The following PTAFR variants were observed in gnomAD, a reference collection of about 807,000 sequenced individuals.
PTAFR encodes platelet activating factor receptor.
Under a neutral mutation model 14.7 loss-of-function variants are expected in PTAFR, and 8 were observed. The ratio of observed to expected loss-of-function variants is 0.54; its 90% CI spans 0.32 to 0.98. The LOEUF (loss-of-function observed/expected upper bound fraction) is 0.98, where lower values mean the gene tolerates loss of function less well. Ranked by LOEUF, PTAFR falls within the 50% of genes least tolerant of loss-of-function variation. The pLI is 0.04. For synonymous variants in PTAFR, 156 were observed against 176.5 expected (o/e 0.88, Z 0.92); for missense variants, 337 against 451.2 (o/e 0.75, Z 2.29).
Position 28,193,359 on chromosome 1 carries a change from G to A in PTAFR, c.-39+363C>T, listed in dbSNP as rs149032413. 4.6e-5 allele frequency among the ~76,000 whole-genome samples: 7 copies of A among 152,190 alleles called. No homozygotes were observed. In the East Asian group the frequency reaches 7.7e-4, roughly 17 times the overall value. On this transcript the variant is annotated intron_variant, in intron 1 of 1. Coordinates refer to the PTAFR transcript ENST00000305392. ...TGCATCATGTGAGGCAATATTGTCC[G>A]TTGGTGCCCGTTCGTGTATGTGTAT...
intron 1 of PTAFR, among the ~76,000 whole-genome samples, chr1:28,165,565 C>T (rs369908471): frequency 2.0e-5 from 3 of 151,586 alleles, no homozygotes; most frequent in African/African-American, 7.3e-5. Context: ...AGGCGGATCA[C>T]GAGGTCAGGA....
At chr1:28,176,327 C>A (rs1646512740) in intron 1 of PTAFR, among the ~76,000 whole-genome samples, 1 of 151,164 alleles carries the variant, frequency 6.6e-6, no homozygotes, top group African/African-American at 2.4e-5. Flanking sequence ...CCTCTAGTCC[C>A]AGATACTCGG....
chr1:28,152,125 G>A (rs1350681874), intron 1 of PTAFR, among the ~76,000 whole-genome samples: 3 of 151,906 alleles, frequency 2.0e-5, no homozygotes, highest in Admixed American at 2.0e-4. Context: ...TCGAACTCCT[G>A]AGCTCAAGGA....
At chr1:28,186,807 C>T (rs1646610837) in intron 1 of PTAFR, among the ~76,000 whole-genome samples, 1 of 151,596 alleles carries the variant, frequency 6.6e-6, no homozygotes, top group Non-Finnish European at 1.5e-5. Flanking sequence ...CGCCTGTAAT[C>T]CTTGCTTCTG....
Position 28,150,950 on chromosome 1 carries a change from G to A in PTAFR, c.72C>T (p.Ile24=). 1.2e-6 allele frequency: 2 copies of A among 1,614,034 alleles called. No homozygotes were observed. Among genetic ancestry groups the A allele is most frequent in the Non-Finnish European group, 1.7e-6 (2 of 1,179,950 alleles). ...TAGCAATGACCCCGAGCACAAAGAT[G>A]ATGCTGTAAACAATCGGGAAGAGAG... The part of the protein sequence containing the change: ...RYTLFPIVYS[I]IFVLGVIANG... The change falls in exon 2 of 2, where the codon ATC becomes ATT. Residue 24 remains isoleucine (I), a synonymous_variant. Transcript: ENST00000373857. The surrounding 1 kb of genome is among the most constrained non-coding windows in gnomAD (Gnocchi z 6.3).
intron 1 of PTAFR, among the ~76,000 whole-genome samples, chr1:28,175,822 TATC>T (rs1646507257): frequency 6.6e-6 from 1 of 152,104 alleles, no homozygotes; most frequent in Non-Finnish European, 1.5e-5. Context: ...GAGATGGGAT[TATC>T]ATTATTTGAC....
intron 1 of PTAFR, among the ~76,000 whole-genome samples, chr1:28,157,440 T>C (rs1008817927): frequency 1.3e-5 from 2 of 152,100 alleles, no homozygotes; most frequent in Non-Finnish European, 2.9e-5. Flanking sequence ...GTGCTGGGAT[T>C]ACGGGTGTGA....
chr1:28,188,880 T>C (rs1393191000), intron 1 of PTAFR, among the ~76,000 whole-genome samples: 1 of 151,880 alleles, frequency 6.6e-6, no homozygotes, highest in Non-Finnish European at 1.5e-5. Flanking sequence ...AATAAAGGAA[T>C]AGGCAATTCA....
intron 1 of PTAFR, among the ~76,000 whole-genome samples, chr1:28,192,558 CA>C (rs375926757): frequency 0.18 from 10,286 of 56,236 alleles, 652 homozygotes; most frequent in African/African-American, 0.33. Flanking sequence ...AACTCCGTCT[CA>C]AAAAAAAAAA....
upstream of PTAFR, among the ~76,000 whole-genome samples, chr1:28,179,355 C>T (rs891400127): frequency 2.6e-5 from 4 of 152,170 alleles, no homozygotes; most frequent in African/African-American, 4.8e-5. Context: ...CTTCCATGCG[C>T]GCATGTGGCA....
chr1:28,172,312 AGCCAT>A (rs1010337436), intron 1 of PTAFR, among the ~76,000 whole-genome samples: 1 of 152,166 alleles, frequency 6.6e-6, no homozygotes, highest in African/African-American at 2.4e-5. Context: ...CACCGCACAC[AGCCAT>A]GCCTCTGTTA....
chr1:28,162,171 C>G (rs959233732), intron 1 of PTAFR, among the ~76,000 whole-genome samples: 1 of 152,148 alleles, frequency 6.6e-6, no homozygotes, highest in African/African-American at 2.4e-5. Flanking sequence ...CGGACTCGCT[C>G]TAGCTGTCAG....
At chr1:28,154,837 G>T (rs530132833) in intron 1 of PTAFR, among the ~76,000 whole-genome samples, 13 of 150,704 alleles carry the variant, frequency 8.6e-5, no homozygotes, top group South Asian at 2.1e-4. Flanking sequence ...AAAAAGTGGG[G>T]GGGGAGGGAG....
intron 1 of PTAFR, among the ~76,000 whole-genome samples, chr1:28,156,882 G>A (rs1327997311): frequency 6.6e-6 from 1 of 152,096 alleles, no homozygotes; most frequent in Non-Finnish European, 1.5e-5. Context: ...GGTGGCTGGG[G>A]GCAGCTCACA....
chr1:28,153,333 G>GTTAT (rs1163596222), intron 1 of PTAFR, among the ~76,000 whole-genome samples: 1 of 152,144 alleles, frequency 6.6e-6, no homozygotes, highest in Admixed American at 6.5e-5. Context: ...GAGCTGCCCT[G>GTTAT]TTATTTACAT....
At chr1:28,178,753 T>C (rs182843472), upstream of PTAFR, among the ~76,000 whole-genome samples, 602 of 152,104 alleles carry the variant, frequency 4.0e-3, 1 homozygote, top group African/African-American at 0.012. Flanking sequence ...TCCACTCACC[T>C]GCACACTCAC....
At chr1:28,178,122 A>G (rs937127302), upstream of PTAFR, among the ~76,000 whole-genome samples, 1 of 152,268 alleles carries the variant, frequency 6.6e-6, no homozygotes, top group Non-Finnish European at 1.5e-5. Context: ...ACAGCAAGGC[A>G]GGTATAAGGA....
At chr1:28,190,542 T>C (rs1646643685) in intron 1 of PTAFR, among the ~76,000 whole-genome samples, 1 of 152,186 alleles carries the variant, frequency 6.6e-6, no homozygotes, top group Non-Finnish European at 1.5e-5. Context: ...ATCTGGAGAA[T>C]GAGGAAGTGA....
upstream of PTAFR, among the ~76,000 whole-genome samples, chr1:28,177,374 A>G (rs573640911): frequency 6.6e-6 from 1 of 152,336 alleles, no homozygotes; most frequent in African/African-American, 2.4e-5. Flanking sequence ...CATTGAGCCC[A>G]GAAACCCCAT....
Sources: allele counts gnomAD v4.1 joint callset (sites outside exome capture counted in the v4.1 genomes callset), GRCh38; gene constraint gnomAD v4.1.1; non-coding constraint Gnocchi (gnomAD v3.1); transcripts MANE v1.5; gene names NCBI Gene and HGNC (gene_info 2026-07-23, HGNC 2026-07-21).